Variants in SEC61G observed in about 807,000 individuals in gnomAD.
SEC61G encodes the protein protein transport protein Sec61 subunit gamma.
Under a neutral mutation model 7.5 loss-of-function variants are expected in SEC61G, and 4 were observed. That is an observed-to-expected ratio of 0.54 (90% CI 0.26 to 1.22). The LOEUF (loss-of-function observed/expected upper bound fraction) is 1.22, where lower values mean the gene tolerates loss of function less well. Among genes scored for constraint, SEC61G ranks in the 50% most tolerant of loss-of-function variants. The pLI is 0.12. For synonymous variants in SEC61G, 24 were observed against 24.4 expected, an observed-to-expected ratio of 0.98 and a Z score of 0.05; for missense variants, 53 against 84.6, an observed-to-expected ratio of 0.63 and a Z score of 1.46.
intron 1 of SEC61G, chr7:54,758,907 A>C (rs1791577749): frequency 3.6e-6 from 1 of 280,538 alleles, no homozygotes; most frequent in East Asian, 1.3e-4. Flanking sequence ...CAGGACGCTA[A>C]GCCCTGGAGC....
At chr7:54,753,939 G>C (rs1562768746) in intron 3 of SEC61G, among the ~76,000 whole-genome samples, 1 of 152,070 alleles carries the variant, frequency 6.6e-6, no homozygotes, top group Non-Finnish European at 1.5e-5. Context: ...AAAAAGACAA[G>C]AACCTGAAGT....
At chr7:54,756,992 A>G (rs1045308605) in intron 2 of SEC61G, among the ~76,000 whole-genome samples, 13 of 147,898 alleles carry the variant, frequency 8.8e-5, no homozygotes, top group African/African-American at 2.9e-4. Context: ...TATATACTAT[A>G]TTATATACTA....
At chr7:54,754,049 G>A (rs889783478) in intron 3 of SEC61G, among the ~76,000 whole-genome samples, 8 of 152,164 alleles carry the variant, frequency 5.3e-5, no homozygotes, top group Non-Finnish European at 2.9e-5. Flanking sequence ...TAAATAACAA[G>A]GCAGGCCTGC....
chr7:54,757,598 T>C lies in SEC61G; in HGVS notation c.-6-4A>G. The C allele has an allele frequency of 6.2e-7, 1 of 1,612,422 alleles. No homozygotes were observed. The highest frequency in any genetic ancestry group is 8.5e-7 in the Non-Finnish European group (1 of 1,178,788). ...GCATTACCTGATCCATGACTGCCTG[T>C]TTAAAACAAAAAAGATACTCACTGG... On this transcript the variant is annotated splice_region_variant and splice_polypyrimidine_tract_variant and intron_variant, in intron 1 of 3. Transcript: ENST00000352861.
At chr7:54,754,159 G>A (rs754405033) in intron 3 of SEC61G, among the ~76,000 whole-genome samples, 14 of 152,176 alleles carry the variant, frequency 9.2e-5, no homozygotes, top group Non-Finnish European at 1.8e-4. Flanking sequence ...TTAAGTGAAG[G>A]CCGGGGAAAA....
intron 3 of SEC61G, 82 bp from the exon 4 acceptor site, chr7:54,752,502 A>G: frequency 1.2e-6 from 1 of 853,882 alleles, no homozygotes; most frequent in Non-Finnish European, 1.8e-6. Flanking sequence ...AATATGCTAT[A>G]ACTTTAACGG....
intron 3 of SEC61G, among the ~76,000 whole-genome samples, chr7:54,754,239 C>G (rs937522043): frequency 1.3e-4 from 20 of 152,208 alleles, no homozygotes; most frequent in Middle Eastern, 6.8e-3. Context: ...AAAGGTACAA[C>G]TAAGAACAAT....
At chr7:54,758,926 C>T in intron 1 of SEC61G, 2 of 288,050 alleles carry the variant, frequency 6.9e-6, no homozygotes, top group South Asian at 5.5e-5. Flanking sequence ...GCCCCGCGGG[C>T]CGGCCACCCA....
chr7:54,756,135 AC>A (rs1299605089), intron 2 of SEC61G, among the ~76,000 whole-genome samples: 1 of 152,218 alleles, frequency 6.6e-6, no homozygotes, highest in Non-Finnish European at 1.5e-5. Context: ...ATCAGCAAGT[AC>A]TAAAAATATT....
intron 3 of SEC61G, chr7:54,754,779 C>G (rs1184296415): frequency 6.6e-6 from 1 of 152,116 alleles, no homozygotes. Context: ...GATTTCAATA[C>G]CATATGGAAG....
intron 3 of SEC61G, chr7:54,754,777 T>C (rs767136592): frequency 6.6e-6 from 1 of 152,142 alleles, no homozygotes; most frequent in Non-Finnish European, 1.5e-5. Flanking sequence ...TTGATTTCAA[T>C]ACCATATGGA....
At chr7:54,757,046 GCTC>G (rs1791534549) in intron 2 of SEC61G, among the ~76,000 whole-genome samples, 1 of 148,652 alleles carries the variant, frequency 6.7e-6, no homozygotes. Flanking sequence ...TATATTACCA[GCTC>G]CTAACTCAAT....
rs773859225 is a variant in SEC61G, at chr7:54,757,578, A to C, written c.11T>G (p.Val4Gly). Residue 4 changes from valine to glycine, a missense_variant, in exon 2 of 4, where the codon GTA (valine) becomes GGA (glycine). Val to Gly is a moderately radical substitution (Grantham distance 109, BLOSUM62 -3). Coordinates refer to ENST00000352861, the MANE Select transcript of SEC61G (RefSeq NM_014302.4). MDQ[V>G]MQFVEPSRQF... ...CCGACTTGGCTCAACAAACTGCATT[A>C]CCTGATCCATGACTGCCTGTTTAAA... The C allele has an allele frequency of 2.5e-6, 4 of 1,614,022 alleles. No homozygotes were observed. In the South Asian group the frequency reaches 4.4e-5, roughly 18 times the overall value.
rs1204397083 is a variant in SEC61G at position 54,757,574 on chromosome 7, C to A, written c.15G>T (p.Met5Ile). The A allele has an allele frequency of 6.2e-7, 1 of 1,613,920 alleles. No homozygotes were observed. The highest frequency in any genetic ancestry group is 8.5e-7 in the Non-Finnish European group (1 of 1,179,956). Residue 5 changes from methionine (M) to isoleucine (I), a missense_variant, in exon 2 of 4, where the codon ATG (methionine) becomes ATT (isoleucine). Physicochemically the swap from Met to Ile is conservative, Grantham distance 10. Coordinates refer to ENST00000352861, the MANE Select transcript of SEC61G (RefSeq NM_014302.4). MDQV[M>I]QFVEPSRQFV... ...ACTGCCGACTTGGCTCAACAAACTG[C>A]ATTACCTGATCCATGACTGCCTGTT...
At chr7:54,756,937 A>G (rs1177096725) in intron 2 of SEC61G, among the ~76,000 whole-genome samples, 1 of 147,940 alleles carries the variant, frequency 6.8e-6, no homozygotes, top group East Asian at 1.9e-4. Context: ...ATTATATACT[A>G]TATACTATAC....
chr7:54,755,942 A>C, intron 2 of SEC61G, 61 bp from the exon 3 acceptor site: 1 of 890,540 alleles, frequency 1.1e-6, no homozygotes, highest in Non-Finnish European at 1.8e-6. Context: ...TATGGGAAAA[A>C]AACTATCAGC....
In SEC61G at chr7:54,757,577, T is replaced by G. The variant is rs1791545715; in HGVS notation, c.12A>C (p.Val4=). 1 of 1,614,060 alleles carries G rather than the reference T, an allele frequency of 6.2e-7. No homozygotes were observed. The highest frequency in any genetic ancestry group is 2.2e-5 in the East Asian group (1 of 44,870). The change falls in exon 2 of 4, where the codon GTA becomes GTC. Residue 4 remains valine (V), a synonymous_variant. Coordinates refer to ENST00000352861, the MANE Select transcript of SEC61G (RefSeq NM_014302.4). MDQ[V]MQFVEPSRQF... is the part of the protein sequence containing the mutation. ...GCCGACTTGGCTCAACAAACTGCAT[T>G]ACCTGATCCATGACTGCCTGTTTAA... is the stretch of plus-strand genomic sequence containing the variant.
chr7:54,757,645 C>A (rs1030978778), intron 1 of SEC61G, 51 bp from the exon 2 acceptor site: 318 of 1,437,700 alleles, frequency 2.2e-4, no homozygotes, highest in Non-Finnish European at 2.9e-4. Flanking sequence ...ATACAATAAG[C>A]ACTTGCTCAT....
chr7:54,759,159 T>C lies in SEC61G; in HGVS notation c.-8A>G, dbSNP rs770602901. ...ACCGACCGGTGGGAAGAAACTCACC[T>C]ACCCAACCGACACCTAAAATGCCAG... On this transcript the variant is annotated splice_region_variant and 5_prime_UTR_variant, in exon 1 of 4. Transcript: ENST00000352861. The C allele has an allele frequency of 1.2e-5, 6 of 518,802 alleles. No homozygotes were observed. In the Admixed American group the frequency reaches 1.2e-4, roughly 10 times the overall value. 32.1% of individuals were successfully genotyped at this position (518,802 alleles called of 1,614,324 possible). A position where few individuals can be genotyped will look rare whatever the true frequency, so the allele number is the denominator to read the frequency against.
Sources: allele counts gnomAD v4.1 joint callset (sites outside exome capture counted in the v4.1 genomes callset), GRCh38; gene constraint gnomAD v4.1.1; transcripts MANE v1.5; gene names NCBI Gene and HGNC (gene_info 2026-07-23, HGNC 2026-07-21).